The following ANKRD31 variants were observed in gnomAD, a reference collection of about 807,000 sequenced individuals.
The protein encoded by ANKRD31 is ankyrin repeat domain-containing protein 31.
A neutral mutation model predicts 186.0 loss-of-function variants in ANKRD31; 147 were observed. The observed-to-expected ratio is 0.79, with a 90% CI of 0.69 to 0.91. The LOEUF (loss-of-function observed/expected upper bound fraction) is 0.91. ANKRD31 is among the 40% of genes least tolerant of loss of function. ANKRD31 has a pLI of 0.00. For missense variants in ANKRD31, 1,986 were observed against 2,148.8 expected (o/e 0.92, Z 1.50); for synonymous variants, 673 against 736.4 (o/e 0.91, Z 1.39).
intron 21 of ANKRD31, 65 bp from the exon 22 acceptor site, chr5:75,105,283 T>A: frequency 1.4e-6 from 2 of 1,397,770 alleles, no homozygotes; most frequent in Non-Finnish European, 1.9e-6. Context: ...AGCGGTCACT[T>A]AGAGGTTAAA....
intron 11 of ANKRD31, among the ~76,000 whole-genome samples, chr5:75,166,387 C>T (rs1485352089): frequency 6.6e-6 from 1 of 152,130 alleles, no homozygotes; most frequent in Non-Finnish European, 1.5e-5. Context: ...ACAAGAAGCG[C>T]TTGAGCCTAG....
At chr5:75,093,273 G>C (rs775431014) in intron 22 of ANKRD31, among the ~76,000 whole-genome samples, 1 of 152,128 alleles carries the variant, frequency 6.6e-6, no homozygotes, top group African/African-American at 2.4e-5. Context: ...CTAAGGTCGG[G>C]AGTTTGAGAC....
intron 10 of ANKRD31, among the ~76,000 whole-genome samples, chr5:75,172,472 A>G (rs2150195845): frequency 6.6e-6 from 1 of 152,234 alleles, no homozygotes; most frequent in East Asian, 1.9e-4. Context: ...AAAGATCAAC[A>G]AAATTGATAC....
At chr5:75,234,190 T>A (rs1030150173) in intron 1 of ANKRD31, among the ~76,000 whole-genome samples, 1 of 152,138 alleles carries the variant, frequency 6.6e-6, no homozygotes, top group Non-Finnish European at 1.5e-5. Context: ...ATTCAAACTT[T>A]GTAAAAGAAT....
Position 75,195,868 on chromosome 5 carries a change from A to T in ANKRD31, c.780T>A (p.Ser260Arg). ...AGGAATTCAAAGGTATTGATATGGA[A>T]CTAAGAGAGTCACTCAATGGGTTCA... ...ELMNPLSDSL[S>R]SISIPLNSWS... The change falls in exon 7 of 26, where the codon AGT becomes AGA. Residue 260 changes from serine to arginine, a missense_variant. Ser to Arg is a moderately radical substitution (Grantham distance 110, BLOSUM62 -1). Coordinates refer to ENST00000506364, the MANE Select transcript of ANKRD31 (RefSeq NM_001372053.1). 1 of 1,527,836 alleles carries T rather than the reference A, an allele frequency of 6.5e-7. No individual in the cohort carries two copies. The highest frequency in any genetic ancestry group is 2.5e-5 in the East Asian group (1 of 40,696). The allele number at this position is 1,527,836 out of a possible 1,614,324, so 94.6% of individuals were successfully genotyped here. A position where few individuals can be genotyped will look rare whatever the true frequency, so the allele number is the denominator to read the frequency against.
chr5:75,111,062 A>C (rs1356607332), intron 20 of ANKRD31, among the ~76,000 whole-genome samples: 1 of 151,922 alleles, frequency 6.6e-6, no homozygotes, highest in Admixed American at 6.6e-5. Flanking sequence ...AAAAGGGAAA[A>C]ATTTAGGAAG....
intron 11 of ANKRD31, among the ~76,000 whole-genome samples, chr5:75,166,794 T>C (rs1195460579): frequency 6.6e-6 from 1 of 152,190 alleles, no homozygotes; most frequent in Non-Finnish European, 1.5e-5. Flanking sequence ...CATTCTTGCC[T>C]ATGTCTTCCA....
At chr5:75,230,938 G>C (rs990909762) in intron 1 of ANKRD31, among the ~76,000 whole-genome samples, 2 of 152,142 alleles carry the variant, frequency 1.3e-5, no homozygotes, top group African/African-American at 2.4e-5. Context: ...TTTGAAAAGA[G>C]ATAAAATGAG....
At chr5:75,213,125 C>T (rs1256462599) in intron 3 of ANKRD31, among the ~76,000 whole-genome samples, 1 of 152,110 alleles carries the variant, frequency 6.6e-6, no homozygotes, top group Non-Finnish European at 1.5e-5. Context: ...ATATACTTCC[C>T]AAGCAGGCTT....
At chr5:75,177,547 C>G (rs1249858683) in intron 10 of ANKRD31, among the ~76,000 whole-genome samples, 2 of 152,212 alleles carry the variant, frequency 1.3e-5, no homozygotes, top group Middle Eastern at 6.8e-3. Context: ...GGCAGAAACT[C>G]TACAAGCCAG....
At chr5:75,130,301 T>G (rs1182873032) in intron 17 of ANKRD31, among the ~76,000 whole-genome samples, 2 of 151,976 alleles carry the variant, frequency 1.3e-5, no homozygotes, top group African/African-American at 4.8e-5. Context: ...ACCCAAAGAG[T>G]GAGCAGCAGC....
At chr5:75,182,484 C>T (rs757720353) in intron 10 of ANKRD31, among the ~76,000 whole-genome samples, 2 of 151,912 alleles carry the variant, frequency 1.3e-5, no homozygotes, top group African/African-American at 2.4e-5. Flanking sequence ...TTTGGGAGGC[C>T]GAGAAAGGCA....
At chr5:75,110,224 C>T (rs2150067865) in intron 20 of ANKRD31, among the ~76,000 whole-genome samples, 1 of 152,236 alleles carries the variant, frequency 6.6e-6, no homozygotes, top group Admixed American at 6.5e-5. Context: ...AATTTTTACT[C>T]TACAGAATTT....
At chr5:75,142,204 T>C (rs1751102246) in intron 15 of ANKRD31, among the ~76,000 whole-genome samples, 1 of 152,202 alleles carries the variant, frequency 6.6e-6, no homozygotes, top group African/African-American at 2.4e-5. Context: ...TCTTGTTCAC[T>C]GTACTAGACA....
chr5:75,185,993 T>G (rs939619082), intron 10 of ANKRD31, among the ~76,000 whole-genome samples: 1 of 152,148 alleles, frequency 6.6e-6, no homozygotes, highest in Non-Finnish European at 1.5e-5. Context: ...AAGTTCCCAG[T>G]GTCAATAAAG....
intron 9 of ANKRD31, 24 bp from the exon 10 acceptor site, chr5:75,188,672 G>GA: frequency 6.7e-7 from 1 of 1,497,828 alleles, no homozygotes; most frequent in Non-Finnish European, 8.9e-7. Flanking sequence ...ATGAACAAAA[G>GA]AAAAAAATCA....
Position 75,175,918 on chromosome 5 carries a change from G to A in ANKRD31, c.1565-6797C>T, listed in dbSNP as rs546965764. ...AGTGGGTGTAGTGCACCATGTGTGA[G>A]CCGAAGCAGGGTGAGGCATCGCCAC... On this transcript the variant is annotated intron_variant, in intron 10 of 25. Transcript: ENST00000506364. Among the ~76,000 whole-genome samples the A allele has an allele frequency of 5.8e-4, 89 of 152,214 alleles. 1 individual carries two copies. The highest frequency in any genetic ancestry group is 2.0e-3 in the African/African-American group (85 of 41,520).
At chr5:75,175,493 G>A (rs991327326) in intron 10 of ANKRD31, among the ~76,000 whole-genome samples, 1 of 152,092 alleles carries the variant, frequency 6.6e-6, no homozygotes, top group Non-Finnish European at 1.5e-5. Flanking sequence ...AACTAATATA[G>A]AGTGAAAAAT....
intron 2 of ANKRD31, among the ~76,000 whole-genome samples, chr5:75,229,392 G>T (rs1294907860): frequency 1.3e-5 from 2 of 152,228 alleles, no homozygotes; most frequent in East Asian, 3.9e-4. Flanking sequence ...TATATGGGTG[G>T]CACTTCAATA....
Sources: allele counts gnomAD v4.1 joint callset (sites outside exome capture counted in the v4.1 genomes callset), GRCh38; gene constraint gnomAD v4.1.1; transcripts MANE v1.5; gene names NCBI Gene and HGNC (gene_info 2026-07-23, HGNC 2026-07-21).